PIR: variants seen among roughly 807,000 people sequenced by gnomAD.
PIR encodes pirin, also known as pirin (iron-binding nuclear protein).
In PIR, 22 loss-of-function variants were observed where a neutral mutation model predicts 24.2. The ratio of observed to expected loss-of-function variants is 0.91; its 90% confidence interval spans 0.65 to 1.30. The LOEUF (loss-of-function observed/expected upper bound fraction) is 1.30. Ranked by LOEUF, PIR falls within the 50% of genes most tolerant of loss-of-function variation. The pLI is 0.00. For missense variants in PIR, 220 were observed against 220.3 expected (o/e 1.00, Z 0.01); for synonymous variants, 80 against 79.6 (o/e 1.00, Z -0.03).
At chrX:15,440,903 G>A (rs1479126984) in intron 5 of PIR, among the ~76,000 whole-genome samples, 1 of 111,635 alleles carries the variant, frequency 9.0e-6, no homozygotes, top group Non-Finnish European at 1.9e-5. Context: ...TTAATGCTCT[G>A]AACTGAGCAA....
intron 5 of PIR, among the ~76,000 whole-genome samples, chrX:15,430,539 T>C (rs1925474856): frequency 8.9e-6 from 1 of 111,794 alleles, no homozygotes; most frequent in South Asian, 3.7e-4. Flanking sequence ...CCTATAAATA[T>C]GTCAGAACCA....
Position 15,476,007 on chromosome X carries a change from C to T in PIR, c.189+3722G>A, listed in dbSNP as rs1922173254. Among the ~76,000 whole-genome samples, 4 of 112,189 alleles carry T rather than the reference C, an allele frequency of 3.6e-5. No homozygotes were observed. In the South Asian group the frequency reaches 1.5e-3, roughly 42 times the overall value. On this transcript the variant is annotated intron_variant, in intron 3 of 9. Transcript: ENST00000380420. ...TTAACCCAGTAAAATTGGGTTCTCT[C>T]TCTTACTTATCTCATAGAATCGTAT...
intron 3 of PIR, 96 bp from the exon 4 acceptor site, chrX:15,459,836 T>G (rs905267241): frequency 4.2e-6 from 2 of 471,955 alleles, no homozygotes; most frequent in Non-Finnish European, 3.8e-6. Flanking sequence ...GAGTTCCTTG[T>G]ATATTTTGGA....
intron 6 of PIR, among the ~76,000 whole-genome samples, chrX:15,418,062 T>C (rs766801587): frequency 6.2e-5 from 7 of 112,060 alleles, no homozygotes; most frequent in Non-Finnish European, 1.1e-4. Context: ...AAATTTTGTT[T>C]ATTGATCTAC....
At chrX:15,451,904 C>G (rs1199255256) in intron 5 of PIR, among the ~76,000 whole-genome samples, 4 of 112,296 alleles carry the variant, frequency 3.6e-5, no homozygotes, top group Non-Finnish European at 7.5e-5. Flanking sequence ...AGGGCTTACT[C>G]TGCACCTGTT....
At chrX:15,486,648 A>C (rs1922850733) in intron 2 of PIR, among the ~76,000 whole-genome samples, 2 of 111,681 alleles carry the variant, frequency 1.8e-5, no homozygotes, top group Middle Eastern at 4.7e-3. Context: ...GAGGATGGAC[A>C]CAAGATGAGT....
chrX:15,469,991 T>G, intron 3 of PIR, among the ~76,000 whole-genome samples: 1 of 112,085 alleles, frequency 8.9e-6, no homozygotes, highest in Admixed American at 9.5e-5. Context: ...CTGCACAATC[T>G]CATTTCTAAT....
chrX:15,446,473 GA>G lies in PIR; in HGVS notation c.480+9374del, dbSNP rs1184029918. Reference sequence around the variant, plus strand: ...ATTAATGATAGCTGATGAGCTCAAAGAAAAAAAAAATCACAAACAAAAATCT... The same window carrying G: ...ATTAATGATAGCTGATGAGCTCAAAGAAAAAAAAATCACAAACAAAAATCT... On this transcript the variant is annotated intron_variant, in intron 5 of 9. Coordinates refer to ENST00000380420, the MANE Select transcript of PIR (RefSeq NM_001018109.3). Among the ~76,000 whole-genome samples the G allele has an allele frequency of 7.3e-3, 786 of 107,501 alleles. 3 individuals carry two copies. The highest frequency in any genetic ancestry group is 0.014 in the Middle Eastern group (3 of 210). The allele number at this position is 107,501 out of a possible 115,157, so 93.4% of individuals were successfully genotyped here.
At chrX:15,431,512 T>C (rs1452191875) in intron 5 of PIR, among the ~76,000 whole-genome samples, 1 of 111,492 alleles carries the variant, frequency 9.0e-6, no homozygotes, top group Non-Finnish European at 1.9e-5. Context: ...CTTTCAACTC[T>C]TTATGTGCTC....
intron 9 of PIR, among the ~76,000 whole-genome samples, chrX:15,385,708 A>G (rs1923724028): frequency 8.9e-6 from 1 of 112,188 alleles, no homozygotes; most frequent in African/African-American, 3.2e-5. Flanking sequence ...TGTATTTTAG[A>G]TTTTGTGGGT....
At chrX:15,388,826 G>A (rs1485172897) in intron 9 of PIR, among the ~76,000 whole-genome samples, 1 of 112,010 alleles carries the variant, frequency 8.9e-6, no homozygotes, top group African/African-American at 3.2e-5. Flanking sequence ...ACACACATAA[G>A]TAAAAGAAAA....
chrX:15,407,430 G>A, intron 7 of PIR, 76 bp downstream of exon 7: 3 of 755,395 alleles, frequency 4.0e-6, no homozygotes, highest in South Asian at 2.1e-5. Flanking sequence ...ATAAAATGGT[G>A]TCATCCTACC....
intron 5 of PIR, among the ~76,000 whole-genome samples, chrX:15,428,139 C>T (rs1015839538): frequency 2.7e-5 from 3 of 110,946 alleles, no homozygotes; most frequent in African/African-American, 9.8e-5. Context: ...AAAGCAAATT[C>T]CCCCGTGTAT....
Position 15,454,343 on chromosome X carries a change from T to C in PIR, c.480+1505A>G, listed in dbSNP as rs148444669. Among the ~76,000 whole-genome samples, 656 of 111,041 alleles carry C rather than the reference T, an allele frequency of 5.9e-3. 6 individuals carry two copies. Among genetic ancestry groups the C allele is most frequent in the African/African-American group, 0.02 (614 of 30,550 alleles). On this transcript the variant is annotated intron_variant, in intron 5 of 9. Coordinates refer to ENST00000380420, the MANE Select transcript of PIR (RefSeq NM_001018109.3). ...CCAATGGCAAAGTAAGCAATAGGTC[T>C]GCCAGGGGTGTGGACAGCAGTCAGG...
At chrX:15,481,623 A>G (rs5934245) in intron 2 of PIR, among the ~76,000 whole-genome samples, 27,406 of 110,914 alleles carry the variant, frequency 0.25, 2,705 homozygotes, top group East Asian at 0.52. Context: ...TTTTAATGGA[A>G]TTCTACTGCA....
At chrX:15,395,192 T>C (rs185724578) in intron 8 of PIR, among the ~76,000 whole-genome samples, 186 of 111,983 alleles carry the variant, frequency 1.7e-3, no homozygotes, top group Non-Finnish European at 2.8e-3. Context: ...TGGAGCCTTC[T>C]TCTACCTGTA....
intron 2 of PIR, among the ~76,000 whole-genome samples, chrX:15,487,148 T>C: frequency 8.9e-6 from 1 of 111,970 alleles, no homozygotes; most frequent in South Asian, 3.7e-4. Context: ...GACTGAGATC[T>C]AGATACAGCC....
At chrX:15,434,879 G>A in intron 5 of PIR, among the ~76,000 whole-genome samples, 1 of 111,352 alleles carries the variant, frequency 9.0e-6, no homozygotes, top group Non-Finnish European at 1.9e-5. Flanking sequence ...ATAAATGTTT[G>A]TGTATATTTT....
At chrX:15,396,276 T>C (rs1047022795) in intron 8 of PIR, among the ~76,000 whole-genome samples, 1 of 111,529 alleles carries the variant, frequency 9.0e-6, no homozygotes, top group Non-Finnish European at 1.9e-5. Flanking sequence ...CATCAGGTTT[T>C]TCTTCCGTTT....
Sources: allele counts gnomAD v4.1 joint callset (sites outside exome capture counted in the v4.1 genomes callset), GRCh38; gene constraint gnomAD v4.1.1; transcripts MANE v1.5; gene names NCBI Gene and HGNC (gene_info 2026-07-23, HGNC 2026-07-21).